VWA8: variants seen among roughly 807,000 people sequenced by gnomAD.
VWA8 encodes von Willebrand factor A domain containing 8.
Under a neutral mutation model 241.5 loss-of-function variants are expected in VWA8, and 221 were observed. The observed-to-expected ratio is 0.91, with a 90% confidence interval of 0.82 to 1.02. The LOEUF (loss-of-function observed/expected upper bound fraction) is 1.02. VWA8 is among the 50% of genes least tolerant of loss of function. The probability of loss-of-function intolerance (pLI) is 0.00; values close to 1 mark genes in which losing one functional copy is unlikely to be tolerated. For missense variants in VWA8, 2,322 were observed against 2,328.7 expected, an observed-to-expected ratio of 1.00 and a Z score of 0.06; for synonymous variants, 852 against 827.1, an observed-to-expected ratio of 1.03 and a Z score of -0.52.
At chr13:41,943,922 G>A (rs985269013) in intron 2 of VWA8, among the ~76,000 whole-genome samples, 1 of 151,858 alleles carries the variant, frequency 6.6e-6, no homozygotes, top group African/African-American at 2.4e-5. Flanking sequence ...GGCCAACAGG[G>A]TAAAACCCTG....
chr13:41,721,650 GT>G (rs1367356451), intron 24 of VWA8, 75 bp from the exon 25 acceptor site: 10 of 1,455,870 alleles, frequency 6.9e-6, no homozygotes, highest in Non-Finnish European at 9.2e-6. Context: ...TGGAATGGTT[GT>G]TTAAAGAGCC....
rs750410478 is a variant in VWA8, at chr13:41,865,741, A to G, written c.1420T>C (p.Tyr474His). The stretch of plus-strand genomic sequence containing the variant: ...GCTAAAAATGAACACTGTACCTGAT[A>G]GAGCATAATAGGTTCTATGTTGTAT... Reference protein sequence around the residue: ...LGYNIEPIMLYQDMTARDLLQ... With the variant: ...LGYNIEPIMLHQDMTARDLLQ... Residue 474 changes from tyrosine (Y) to histidine (H), a missense_variant, in exon 12 of 45, where the codon TAT (tyrosine) becomes CAT (histidine). Coordinates refer to ENST00000379310, the MANE Select transcript of VWA8 (RefSeq NM_015058.2). 2.5e-6 allele frequency: 4 copies of G among 1,613,752 alleles called. No individual in the cohort carries two copies. Among genetic ancestry groups the G allele is most frequent in the Non-Finnish European group, 3.4e-6 (4 of 1,180,024 alleles).
At chr13:41,801,548 G>A (rs1011767246) in intron 17 of VWA8, among the ~76,000 whole-genome samples, 5 of 151,984 alleles carry the variant, frequency 3.3e-5, no homozygotes, top group African/African-American at 9.7e-5. Flanking sequence ...GAAAAGAGAC[G>A]AAATCTTTGG....
intron 2 of VWA8, among the ~76,000 whole-genome samples, chr13:41,942,303 T>C (rs1388951744): frequency 6.6e-6 from 1 of 152,196 alleles, no homozygotes; most frequent in African/African-American, 2.4e-5. Context: ...GAGAATTTTA[T>C]TTCCAAACTA....
intron 26 of VWA8, among the ~76,000 whole-genome samples, chr13:41,714,416 T>C (rs1018431987): frequency 2.0e-5 from 3 of 151,984 alleles, no homozygotes; most frequent in African/African-American, 7.2e-5. Flanking sequence ...AAGTATTTTA[T>C]AGAATGTGTG....
intron 2 of VWA8, among the ~76,000 whole-genome samples, chr13:41,921,704 A>G (rs931590880): frequency 6.6e-6 from 1 of 152,250 alleles, no homozygotes; most frequent in East Asian, 1.9e-4. Flanking sequence ...AGAGAATAAA[A>G]TACCTAGGAA....
intron 20 of VWA8, among the ~76,000 whole-genome samples, chr13:41,764,046 G>C (rs115411947): frequency 0.011 from 1,650 of 152,120 alleles, 34 homozygotes; most frequent in African/African-American, 0.038. Context: ...AGCTTCATTC[G>C]ATATCCCCTA....
At chr13:41,711,862 A>C (rs2045320590) in intron 26 of VWA8, among the ~76,000 whole-genome samples, 1 of 151,930 alleles carries the variant, frequency 6.6e-6, no homozygotes. Flanking sequence ...CGACAGAGCG[A>C]GACTCTGTCT....
chr13:41,684,135 C>A (rs772275376), intron 35 of VWA8, among the ~76,000 whole-genome samples: 2 of 152,006 alleles, frequency 1.3e-5, no homozygotes. Flanking sequence ...TATTCATCTG[C>A]CTCTTCTACC....
chr13:41,847,045 C>A (rs1872320546), intron 12 of VWA8, among the ~76,000 whole-genome samples: 1 of 152,036 alleles, frequency 6.6e-6, no homozygotes, highest in Non-Finnish European at 1.5e-5. Flanking sequence ...ATTAAATAAT[C>A]TAAAATTTCC....
At chr13:41,953,178 G>A (rs1878211384) in intron 1 of VWA8, among the ~76,000 whole-genome samples, 2 of 152,324 alleles carry the variant, frequency 1.3e-5, no homozygotes, top group South Asian at 4.1e-4. Context: ...GAAGGATACA[G>A]GATAAGGATA....
chr13:41,911,434 C>T (rs965325510), intron 3 of VWA8, among the ~76,000 whole-genome samples: 1 of 152,144 alleles, frequency 6.6e-6, no homozygotes, highest in Non-Finnish European at 1.5e-5. Context: ...TCTCAAAGAA[C>T]TGCAAATGTT....
In VWA8 at chr13:41,590,502, T is replaced by G. The variant is rs997143288; in HGVS notation, c.5112+138A>C. ...GGAGTTTTTCTTCTTCTTCTTCTTT[T>G]TTTTTTTTTTTAACATAATGCTTTC... On this transcript the variant is annotated intron_variant, in intron 41 of 44. Transcript: ENST00000379310. The G allele has an allele frequency of 4.4e-6, 4 of 916,196 alleles. No homozygotes were observed. In the African/African-American group the frequency reaches 5.1e-5, roughly 12 times the overall value. The allele number at this position is 916,196 out of a possible 1,614,324, so 56.8% of individuals were successfully genotyped here.
chr13:41,605,176 T>C lies in VWA8; in HGVS notation c.4978A>G (p.Asn1660Asp), dbSNP rs1158126857. The change falls in exon 40 of 45, where the codon AAT (asparagine) becomes GAT (aspartate). Residue 1660 changes from asparagine (N) to aspartate (D), a missense_variant. By Grantham distance (23) the Asn-to-Asp change is conservative. Coordinates refer to ENST00000379310, the MANE Select transcript of VWA8 (RefSeq NM_015058.2). Reference sequence around the variant, plus strand: ...CATAAGTAGAAGATTACCTGTAAATTATCCAGGATGATTCGGAGGGAGTGC... The same window carrying C: ...CATAAGTAGAAGATTACCTGTAAATCATCCAGGATGATTCGGAGGGAGTGC... ...QVHSLRIILDNLQAKGKERQW... is the reference protein window; with the variant it reads ...QVHSLRIILDDLQAKGKERQW... 6.8e-6 allele frequency: 11 copies of C among 1,612,942 alleles called. No individual in the cohort carries two copies. The highest frequency in any genetic ancestry group is 9.3e-6 in the Non-Finnish European group (11 of 1,179,214).
At chr13:41,738,488 T>A (rs2324834) in intron 21 of VWA8, among the ~76,000 whole-genome samples, 6,577 of 152,230 alleles carry the variant, frequency 0.043, 169 homozygotes, top group East Asian at 0.11. Context: ...CCACGTCTCC[T>A]ACTACTATGT....
intron 43 of VWA8, among the ~76,000 whole-genome samples, chr13:41,572,096 G>A (rs2044310347): frequency 6.6e-6 from 1 of 150,846 alleles, no homozygotes; most frequent in African/African-American, 2.5e-5. Flanking sequence ...GAGCAGTGAG[G>A]AGCCCCTCCG....
intron 9 of VWA8, among the ~76,000 whole-genome samples, chr13:41,877,777 A>C (rs1384213214): frequency 6.6e-6 from 1 of 152,146 alleles, no homozygotes. Context: ...ATTTGTTACT[A>C]AACTGTAAGA....
At chr13:41,960,740 G>T (rs888362581) in intron 1 of VWA8, 113 bp downstream of exon 1, 35 of 1,367,068 alleles carry the variant, frequency 2.6e-5, no homozygotes, top group African/African-American at 6.1e-5. Flanking sequence ...TCCCCGCTCG[G>T]CAAACGGTCC....
chr13:41,712,823 T>A (rs572523017), intron 26 of VWA8, among the ~76,000 whole-genome samples: 9 of 152,074 alleles, frequency 5.9e-5, no homozygotes, highest in African/African-American at 1.7e-4. Flanking sequence ...TAGAAAAAAA[T>A]TACTTAATAG....
Sources: allele counts gnomAD v4.1 joint callset (sites outside exome capture counted in the v4.1 genomes callset), GRCh38; gene constraint gnomAD v4.1.1; transcripts MANE v1.5; gene names NCBI Gene and HGNC (gene_info 2026-07-23, HGNC 2026-07-21).